TIPIN: variants seen among roughly 807,000 people sequenced by gnomAD.
TIPIN encodes the protein TIMELESS interacting protein, also known as TIMELESS-interacting protein.
A neutral mutation model predicts 35.6 loss-of-function variants in TIPIN; 29 were observed. The ratio of observed to expected loss-of-function variants is 0.82; its 90% CI spans 0.61 to 1.11. The LOEUF (loss-of-function observed/expected upper bound fraction) is 1.11, where lower values mean the gene tolerates loss of function less well. Among genes scored for constraint, TIPIN ranks in the 50% most tolerant of loss-of-function variants. TIPIN has a pLI of 0.00. For missense variants in TIPIN, 296 were observed against 345.4 expected, an observed-to-expected ratio of 0.86 and a Z score of 1.13; for synonymous variants, 102 against 121.5, an observed-to-expected ratio of 0.84 and a Z score of 1.06.
At chr15:66,366,769 A>G in intron 1 of TIPIN, 1 of 760,318 alleles carries the variant, frequency 1.3e-6, no homozygotes, top group Non-Finnish European at 1.6e-6. Context: ...TCCATCTCAA[A>G]AAAAAAAAAA....
rs4074534 is a variant in TIPIN, at chr15:66,375,667, C to T, written c.-9+10940G>A. Among the ~76,000 whole-genome samples, 670 of 150,674 alleles carry T rather than the reference C, an allele frequency of 4.4e-3. 7 individuals are homozygous for T. The highest frequency in any genetic ancestry group is 0.015 in the African/African-American group (639 of 41,382). On this transcript the variant is annotated intron_variant, in intron 1 of 7. Coordinates refer to the TIPIN transcript ENST00000562124. ...CAACCTGGCCAAAATGGTGAAACCC[C>T]GTCTCTACTAGTACCAAAGGCTGCA...
chr15:66,344,230 C>G (rs958345709), intron 6 of TIPIN, among the ~76,000 whole-genome samples: 1 of 152,050 alleles, frequency 6.6e-6, no homozygotes, highest in African/African-American at 2.4e-5. Context: ...TTCTAAATAG[C>G]TGGGACTATA....
At position 66,349,412 on chromosome 15, in the gene TIPIN, C is replaced by G; in HGVS notation, c.314G>C (p.Arg105Thr). 1 of 1,613,208 alleles carries G rather than the reference C, an allele frequency of 6.2e-7. No homozygotes were observed. The highest frequency in any genetic ancestry group is 8.5e-7 in the Non-Finnish European group (1 of 1,179,868). The part of the protein sequence containing the change: ...HEAEDLKMLI[R>T]HMEHWAHRLF... ...CCTATGTGCCCAGTGCTCCATGTGT[C>G]TGATTAGCATCTTCAAGTCTTCAGC... The change falls in exon 5 of 8, where the codon AGA (arginine) becomes ACA (threonine). Residue 105 changes from arginine (R) to threonine (T), a missense_variant. Physicochemically the swap from Arg to Thr is moderately conservative, Grantham distance 71 (BLOSUM62 -1). Transcript: ENST00000261881.
rs1566970488 is a variant in TIPIN, at chr15:66,340,170, C to CTTT, written c.682+979_682+980insAAA. Among the ~76,000 whole-genome samples, 86 of 113,828 alleles carry CTTT rather than the reference C, an allele frequency of 7.6e-4. 6 individuals carry two copies. The highest frequency in any genetic ancestry group is 2.9e-3 in the African/African-American group (80 of 27,714). The allele number at this position is 113,828 out of a possible 152,430, so 74.7% of individuals were successfully genotyped here. A position where few individuals can be genotyped will look rare whatever the true frequency, so the allele number is the denominator to read the frequency against. Reference sequence around the variant, plus strand: ...TACAGGCGTGAGCCACTGCGCCTGGCCTTTTTTTTTTTTTTTTTTTTTTTG... The same window carrying CTTT: ...TACAGGCGTGAGCCACTGCGCCTGGCTTTCTTTTTTTTTTTTTTTTTTTTTTTG... On this transcript the variant is annotated intron_variant, in intron 7 of 7. Transcript: ENST00000261881.
intron 6 of TIPIN, among the ~76,000 whole-genome samples, 170 bp from the exon 7 acceptor site, chr15:66,341,526 TGGGAGGCCGAGGCGGGCGG>T (rs1411819450): frequency 0.61 from 1,732 of 2,822 alleles, 749 homozygotes; most frequent in Middle Eastern, 1. Context: ...CCCAGCACTT[TGGGAGGCCGAGGCGGGCGG>T]ATCACGAGGT....
At chr15:66,358,433 C>CT (rs566498388), upstream of TIPIN, among the ~76,000 whole-genome samples, 716 of 145,312 alleles carry the variant, frequency 4.9e-3, 1 homozygote, top group African/African-American at 0.011. Context: ...TTCTCTCTGT[C>CT]TTTTTTTTTT....
At chr15:66,346,389 T>C (rs1340815931) in intron 6 of TIPIN, among the ~76,000 whole-genome samples, 3 of 152,094 alleles carry the variant, frequency 2.0e-5, no homozygotes, top group Non-Finnish European at 4.4e-5. Context: ...AAAATACTTT[T>C]TTTCTTTTTA....
rs2093138237 is a variant in TIPIN, at chr15:66,347,997, A to G, written c.475+1063T>C. On this transcript the variant is annotated intron_variant, in intron 6 of 7. Transcript: ENST00000261881. ...AATACTGCCTCCTCTAACTACTTCT[A>G]TTCTTTCTTTCTTTTTTTTTTTTTT... 2.8e-5 allele frequency among the ~76,000 whole-genome samples: 3 copies of G among 108,746 alleles called. No homozygotes were observed. In the East Asian group the frequency reaches 8.2e-4, roughly 30 times the overall value. 71.3% of individuals were successfully genotyped at this position (108,746 alleles called of 152,430 possible).
chr15:66,343,156 C>A (rs181848483), intron 6 of TIPIN, among the ~76,000 whole-genome samples: 2 of 152,148 alleles, frequency 1.3e-5, no homozygotes, highest in East Asian at 3.9e-4. Flanking sequence ...ACCAAACAAC[C>A]CCAACAAAAT....
At chr15:66,385,853 T>G (rs1410697396) in intron 1 of TIPIN, among the ~76,000 whole-genome samples, 1 of 151,932 alleles carries the variant, frequency 6.6e-6, no homozygotes, top group African/African-American at 2.4e-5. Context: ...GGTGTGATCA[T>G]AGCTCACTGC....
intron 1 of TIPIN, among the ~76,000 whole-genome samples, chr15:66,372,102 G>A (rs1056884140): frequency 4.6e-5 from 7 of 152,120 alleles, no homozygotes; most frequent in Admixed American, 1.3e-4. Context: ...GTTGGTAATT[G>A]TTTTACTGAA....
chr15:66,346,779 C>T (rs370915604), intron 6 of TIPIN, among the ~76,000 whole-genome samples: 7 of 152,178 alleles, frequency 4.6e-5, no homozygotes, highest in Admixed American at 2.0e-4. Context: ...ATTTAAATCA[C>T]GGATTATTTA....
In TIPIN at chr15:66,336,790, C is replaced by T. The variant is rs572034794; in HGVS notation, c.*168G>A. 8.8e-4 allele frequency: 522 copies of T among 593,588 alleles called. 6 individuals carry two copies. The highest frequency in any genetic ancestry group is 5.5e-3 in the South Asian group (233 of 42,654). 36.8% of individuals were successfully genotyped at this position (593,588 alleles called of 1,614,324 possible). A position where few individuals can be genotyped will look rare whatever the true frequency, so the allele number is the denominator to read the frequency against. ...CACTAAAGAGAACAAATAGATTTAA[C>T]TAAAGTGACAAGCATAATTATAAAT... On this transcript the variant is annotated 3_prime_UTR_variant, in exon 8 of 8. Transcript: ENST00000261881.
intron 7 of TIPIN, among the ~76,000 whole-genome samples, chr15:66,339,374 G>A (rs2093069720): frequency 6.6e-6 from 1 of 151,324 alleles, no homozygotes; most frequent in Non-Finnish European, 1.5e-5. Flanking sequence ...GCCTCCCAAA[G>A]TGCTGGGATT....
At position 66,379,465 on chromosome 15, in the gene TIPIN, T is replaced by A. The variant is rs532977600; in HGVS notation, c.-9+7142A>T. On this transcript the variant is annotated intron_variant, in intron 1 of 7. Coordinates refer to the TIPIN transcript ENST00000562124. ...GCCGCTGAATTTGAAACAAGCTCAA[T>A]GTCATTTCCTTCAAAGATTAATTCA... 39 of 1,607,440 alleles carry A rather than the reference T, an allele frequency of 2.4e-5. No individual in the cohort carries two copies. In the African/African-American group the frequency reaches 2.9e-4, roughly 12 times the overall value.
At chr15:66,360,437 C>A (rs1474297701), upstream of TIPIN, among the ~76,000 whole-genome samples, 1 of 150,912 alleles carries the variant, frequency 6.6e-6, no homozygotes, top group East Asian at 1.9e-4. Flanking sequence ...AAAACCCCAT[C>A]GCTACAAAAA....
upstream of TIPIN, among the ~76,000 whole-genome samples, chr15:66,357,930 T>C (rs527720284): frequency 5.3e-5 from 8 of 151,552 alleles, no homozygotes; most frequent in South Asian, 1.7e-3. Context: ...CACTCCGGCC[T>C]GGGCGACGGA....
intron 1 of TIPIN, 29 bp from the exon 2 acceptor site, chr15:66,352,984 T>G: frequency 1.2e-6 from 2 of 1,600,666 alleles, no homozygotes; most frequent in Non-Finnish European, 1.7e-6. Flanking sequence ...GTTATTTGTA[T>G]TCATCCAAAA....
chr15:66,346,852 C>T (rs1043581686), intron 6 of TIPIN, among the ~76,000 whole-genome samples: 3 of 151,754 alleles, frequency 2.0e-5, no homozygotes, highest in African/African-American at 2.4e-5. Context: ...AGTGCAGTGG[C>T]GTGATCTCGG....
Sources: allele counts gnomAD v4.1 joint callset (sites outside exome capture counted in the v4.1 genomes callset), GRCh38; gene constraint gnomAD v4.1.1; transcripts MANE v1.5; gene names NCBI Gene and HGNC (gene_info 2026-07-23, HGNC 2026-07-21).